PRH1: variants seen among roughly 807,000 people sequenced by gnomAD.
PRH1 encodes salivary acidic proline-rich phosphoprotein 1/2.
A neutral mutation model predicts 7.9 loss-of-function variants in PRH1; 7 were observed. The observed-to-expected ratio is 0.89, with a 90% confidence interval of 0.50 to 1.67. The LOEUF is 1.67. Among genes scored for constraint, PRH1 ranks in the 40% most tolerant of loss-of-function variants. The probability of loss-of-function intolerance (pLI) is 0.00; values close to 1 mark genes in which losing one functional copy is unlikely to be tolerated. For missense variants in PRH1, 109 were observed against 223.6 expected (o/e 0.49, Z 3.27); for synonymous variants, 45 against 80.8 (o/e 0.56, Z 2.38).
At position 10,903,753 on chromosome 12, in the gene PRH1, T is replaced by C. The variant is rs924395132; in HGVS notation, c.-58-19478A>G. Among the ~76,000 whole-genome samples the C allele has an allele frequency of 3.3e-5, 5 of 151,630 alleles. No individual in the cohort carries two copies. In the East Asian group the frequency reaches 9.6e-4, roughly 29 times the overall value. ...TAGTCAAACTATATCTCTTTGCTGA[T>C]GTGAATCCATACATACAAAACCCTA... On this transcript the variant is annotated intron_variant, in intron 2 of 3. Coordinates refer to the PRH1 transcript ENST00000539853.
intron 2 of PRH1, chr12:10,937,675 T>TATAA (rs1484310777): frequency 6.6e-6 from 1 of 152,128 alleles, no homozygotes; most frequent in Non-Finnish European, 1.5e-5. Context: ...AAATAATCAT[T>TATAA]ATAAGTCACT....
At chr12:10,897,784 C>G (rs1460844267) in intron 2 of PRH1, among the ~76,000 whole-genome samples, 1 of 152,172 alleles carries the variant, frequency 6.6e-6, no homozygotes, top group Non-Finnish European at 1.5e-5. Context: ...GCCACACCAC[C>G]ACCAAGGGGG....
chr12:11,036,886 G>A (rs34373072), intron 1 of PRH1, among the ~76,000 whole-genome samples: 33,973 of 152,046 alleles, frequency 0.22, 3,843 homozygotes, highest in Non-Finnish European at 0.24. Context: ...TATTTGATCA[G>A]TGTGATTTCA....
chr12:11,052,744 G>A (rs2900582), intron 1 of PRH1, among the ~76,000 whole-genome samples: 42,331 of 150,532 alleles, frequency 0.28, 7,266 homozygotes, highest in East Asian at 0.71. Flanking sequence ...CTCTTCTCGT[G>A]CTCTAACTGG....
intron 2 of PRH1, chr12:10,908,304 T>C (rs1215174822): frequency 1.3e-5 from 18 of 1,349,246 alleles, no homozygotes; most frequent in Non-Finnish European, 1.6e-5. Context: ...ATAAAATATC[T>C]TTTAAACTCC....
At chr12:11,036,323 C>A (rs1441149086) in intron 1 of PRH1, among the ~76,000 whole-genome samples, 2 of 152,194 alleles carry the variant, frequency 1.3e-5, no homozygotes, top group African/African-American at 4.8e-5. Flanking sequence ...CTTTAAGTCC[C>A]ATGGAAACAA....
intron 2 of PRH1, among the ~76,000 whole-genome samples, chr12:10,940,078 G>A (rs1406490881): frequency 6.6e-6 from 1 of 152,098 alleles, no homozygotes; most frequent in Non-Finnish European, 1.5e-5. Flanking sequence ...CTTATTCATA[G>A]TTATCCAAAG....
At chr12:10,926,709 G>A (rs1202613667) in intron 2 of PRH1, among the ~76,000 whole-genome samples, 1 of 152,196 alleles carries the variant, frequency 6.6e-6, no homozygotes, top group African/African-American at 2.4e-5. Flanking sequence ...ACACATTTGA[G>A]ATGTATTTTG....
At chr12:10,977,658 C>T (rs942346202) in intron 1 of PRH1, among the ~76,000 whole-genome samples, 1 of 152,076 alleles carries the variant, frequency 6.6e-6, no homozygotes, top group Admixed American at 6.6e-5. Context: ...CCTAGAAATC[C>T]CAACAGTATT....
intron 1 of PRH1, chr12:11,078,119 A>G (rs150917538): frequency 0.017 from 10,554 of 620,132 alleles, 975 homozygotes; most frequent in Middle Eastern, 0.037. Context: ...TCAGCTGAGG[A>G]GATCTTTCGT....
In PRH1 at chr12:11,096,794, T is replaced by TTGTTG. The variant is rs1565650418; in HGVS notation, n.124-49607_124-49606insCAACA. 3.5e-5 allele frequency among the ~76,000 whole-genome samples: 4 copies of TTGTTG among 113,664 alleles called. 1 individual carries two copies. The highest frequency in any genetic ancestry group is 1.2e-4 in the African/African-American group (4 of 33,960). The allele number at this position is 113,664 out of a possible 152,430, so 74.6% of individuals were successfully genotyped here. A position where few individuals can be genotyped will look rare whatever the true frequency, so the allele number is the denominator to read the frequency against. ...TAAATTTTATGCGGTTTTTGTTTTT[T>TTGTTG]TTGTTGTTGTTGTTGTTGTTTTTGA... is the stretch of plus-strand genomic sequence containing the variant. On this transcript the variant is annotated intron_variant and non_coding_transcript_variant, in intron 1 of 4. Transcript: ENST00000541977.
chr12:10,924,553 T>C (rs1027231117), intron 2 of PRH1, among the ~76,000 whole-genome samples: 2 of 152,160 alleles, frequency 1.3e-5, no homozygotes, highest in African/African-American at 2.4e-5. Flanking sequence ...TTTCTACTGA[T>C]TGGAATAGTT....
chr12:11,087,808 C>G lies in PRH1; in HGVS notation n.124-40620G>C, dbSNP rs1944756604. On this transcript the variant is annotated intron_variant and non_coding_transcript_variant, in intron 1 of 4. Transcript: ENST00000541977. ...ACTACCATGAACTTAAATAAACACT[C>G]ACAAATGCTTTCCAGGATGTGCTGT... is the stretch of plus-strand genomic sequence containing the variant. Among the ~76,000 whole-genome samples, 2 of 115,882 alleles carry G rather than the reference C, an allele frequency of 1.7e-5. 1 individual carries two copies. The highest frequency in any genetic ancestry group is 4.7e-4 in the South Asian group (2 of 4,240). The allele number at this position is 115,882 out of a possible 152,430, so 76.0% of individuals were successfully genotyped here.
intron 1 of PRH1, among the ~76,000 whole-genome samples, chr12:11,059,115 G>A (rs1943484547): frequency 1.3e-5 from 2 of 152,144 alleles, no homozygotes; most frequent in African/African-American, 4.8e-5. Flanking sequence ...ATGGCCAATG[G>A]GAAATCAAAT....
chr12:11,020,782 T>C (rs1483375641), intron 1 of PRH1, among the ~76,000 whole-genome samples: 2 of 152,146 alleles, frequency 1.3e-5, no homozygotes, highest in Non-Finnish European at 2.9e-5. Flanking sequence ...TATTTGAGTT[T>C]TTTTGAGGAA....
chr12:10,919,712 G>A (rs1024429354), intron 2 of PRH1, among the ~76,000 whole-genome samples: 13 of 151,442 alleles, frequency 8.6e-5, no homozygotes, highest in African/African-American at 2.7e-4. Flanking sequence ...AATCTATCAC[G>A]TACGGAGGTT....
chr12:10,981,782 C>G (rs573768690), intron 1 of PRH1, among the ~76,000 whole-genome samples: 1 of 151,808 alleles, frequency 6.6e-6, no homozygotes, highest in Non-Finnish European at 1.5e-5. Context: ...ACTGCAAACT[C>G]GAATTCCTGG....
At chr12:10,882,789 C>T (rs1418789611) in intron 2 of PRH1, 91 bp from the exon 3 acceptor site, 2 of 1,569,932 alleles carry the variant, frequency 1.3e-6, no homozygotes, top group African/African-American at 2.7e-5. Context: ...GCCGGCCCCT[C>T]TCTGCCTGAC....
chr12:10,901,873 G>T (rs1032528425), intron 2 of PRH1, among the ~76,000 whole-genome samples: 1 of 151,900 alleles, frequency 6.6e-6, no homozygotes, highest in African/African-American at 2.4e-5. Flanking sequence ...CCTACCTTAT[G>T]GAAATAATTA....
Sources: allele counts gnomAD v4.1 joint callset (sites outside exome capture counted in the v4.1 genomes callset), GRCh38; gene constraint gnomAD v4.1.1; transcripts MANE v1.5; gene names NCBI Gene and HGNC (gene_info 2026-07-23, HGNC 2026-07-21).